PLEKHG4B: variants seen among roughly 807,000 people sequenced by gnomAD.
PLEKHG4B encodes pleckstrin homology and RhoGEF domain containing G4B.
In PLEKHG4B, 111 loss-of-function variants were observed where a neutral mutation model predicts 121.3. That is an observed-to-expected ratio of 0.92 (90% confidence interval 0.78 to 1.07). PLEKHG4B has a LOEUF of 1.07. Among genes scored for constraint, PLEKHG4B ranks in the 50% least tolerant of loss-of-function variants. PLEKHG4B has a pLI of 0.00. For missense variants in PLEKHG4B, 1,831 were observed against 1,757.8 expected, an observed-to-expected ratio of 1.04 and a Z score of -0.74; for synonymous variants, 738 against 725.0, an observed-to-expected ratio of 1.02 and a Z score of -0.29.
chr5:187,103 T>C lies in PLEKHG4B; in HGVS notation c.*4780T>C, dbSNP rs12514423. On this transcript the variant is annotated 3_prime_UTR_variant, in exon 20 of 20. Coordinates refer to ENST00000637938, the MANE Select transcript of PLEKHG4B (RefSeq NM_052909.5). ...CGGCCCCAGGGTGCCGGCCTTCAGA[T>C]TGACCCCATTCGTGGATGAGTCTAC... is the stretch of plus-strand genomic sequence containing the variant. The C allele has an allele frequency of 0.42, 64,537 of 152,230 alleles. 15,258 individuals are homozygous for C. The highest frequency in any genetic ancestry group is 0.54 in the Non-Finnish European group (37,032 of 68,108). 9.4% of individuals were successfully genotyped at this position (152,230 alleles called of 1,614,324 possible).
intron 6 of PLEKHG4B, 32 bp downstream of exon 6, chr5:144,952 G>A (rs765893879): frequency 6.3e-7 from 1 of 1,590,558 alleles, no homozygotes. Flanking sequence ...CCTTGGGTGT[G>A]CAGAGCATCG....
In PLEKHG4B at chr5:151,188, A is replaced by G. The variant is rs147081009; in HGVS notation, c.1906-325A>G. Reference sequence around the variant, plus strand: ...AGAGGGCTTGGCTACGAAGAGGCACAAGAGAATTTTGGGGTTGCTTAACAG... The same window carrying G: ...AGAGGGCTTGGCTACGAAGAGGCACGAGAGAATTTTGGGGTTGCTTAACAG... On this transcript the variant is annotated intron_variant, in intron 6 of 19. Coordinates refer to ENST00000637938, the MANE Select transcript of PLEKHG4B (RefSeq NM_052909.5). 5.4e-3 allele frequency among the ~76,000 whole-genome samples: 829 copies of G among 152,322 alleles called. 10 individuals are homozygous for G. The highest frequency in any genetic ancestry group is 0.019 in the African/African-American group (791 of 41,552).
chr5:164,331 A>G (rs957365384), intron 13 of PLEKHG4B, among the ~76,000 whole-genome samples: 1 of 152,248 alleles, frequency 6.6e-6, no homozygotes, highest in East Asian at 1.9e-4. Context: ...TCACATGTGC[A>G]GTAGTGTTCG....
intron 6 of PLEKHG4B, among the ~76,000 whole-genome samples, chr5:148,356 A>T (rs1553987381): frequency 0.036 from 5,426 of 149,398 alleles, 116 homozygotes; most frequent in Middle Eastern, 0.1. Context: ...AAAAAAAAAA[A>T]ATAAATAAAA....
intron 2 of PLEKHG4B, among the ~76,000 whole-genome samples, chr5:135,682 A>AATATATATAT (rs70955207): frequency 9.2e-4 from 18 of 19,568 alleles, no homozygotes; most frequent in Non-Finnish European, 1.3e-3. Context: ...AAAAAAAAAA[A>AATATATATAT]ATATATATAT....
chr5:146,334 C>T (rs1409062311), intron 6 of PLEKHG4B, among the ~76,000 whole-genome samples: 3 of 142,508 alleles, frequency 2.1e-5, no homozygotes, highest in African/African-American at 7.9e-5. Flanking sequence ...CCATCCTCTC[C>T]TCCTCCATGG....
At chr5:158,137 C>T (rs932973112) in intron 11 of PLEKHG4B, among the ~76,000 whole-genome samples, 1 of 152,114 alleles carries the variant, frequency 6.6e-6, no homozygotes, top group Non-Finnish European at 1.5e-5. Flanking sequence ...TGCCCTCTGT[C>T]CTGGGGGTCT....
intron 11 of PLEKHG4B, 38 bp from the exon 12 acceptor site, chr5:161,745 C>T: frequency 1.9e-6 from 3 of 1,612,840 alleles, no homozygotes; most frequent in Non-Finnish European, 2.5e-6. Context: ...AACGTGGAAG[C>T]ACCGGGCTTG....
intron 7 of PLEKHG4B, among the ~76,000 whole-genome samples, chr5:153,655 A>G (rs900868596): frequency 6.6e-6 from 1 of 152,290 alleles, no homozygotes; most frequent in Non-Finnish European, 1.5e-5. Context: ...GGCAAGAAAG[A>G]TGCCCATTTT....
At chr5:148,847 A>T (rs1458164703) in intron 6 of PLEKHG4B, among the ~76,000 whole-genome samples, 1 of 152,232 alleles carries the variant, frequency 6.6e-6, no homozygotes, top group Non-Finnish European at 1.5e-5. Flanking sequence ...AGTAATCAAA[A>T]AAGTTTGGCA....
chr5:121,618 G>A (rs139202609), intron 2 of PLEKHG4B, among the ~76,000 whole-genome samples: 120 of 152,234 alleles, frequency 7.9e-4, no homozygotes, highest in African/African-American at 2.7e-3. Context: ...AGAGGAAGGA[G>A]GCAAACTGCA....
At chr5:169,224 C>T in intron 13 of PLEKHG4B, 116 bp from the exon 14 acceptor site, 2 of 1,423,362 alleles carry the variant, frequency 1.4e-6, no homozygotes, top group Non-Finnish European at 1.9e-6. Context: ...CTCCAGTCCA[C>T]ATGTGACCCT....
intron 2 of PLEKHG4B, among the ~76,000 whole-genome samples, chr5:115,408 G>A (rs1734276462): frequency 6.6e-6 from 1 of 152,138 alleles, no homozygotes; most frequent in South Asian, 2.1e-4. Context: ...GCCCTGGGAG[G>A]TTCAGAATGG....
rs1276691743 is a variant in PLEKHG4B, at chr5:135,707, ATATATATATATATATATATATG to A, written c.244-3772_244-3751del. 8.9e-4 allele frequency among the ~76,000 whole-genome samples: 89 copies of A among 100,176 alleles called. 1 individual carries two copies. Among genetic ancestry groups the A allele is most frequent in the African/African-American group, 3.2e-3 (70 of 21,652 alleles). 65.7% of individuals were successfully genotyped at this position (100,176 alleles called of 152,430 possible). On this transcript the variant is annotated intron_variant, in intron 2 of 19. Transcript: ENST00000637938. ...AATATATATATATATATATATATAT[ATATATATATATATATATATATG>A]TATGTCAGTACTACCCAAAGTGATC... is the stretch of plus-strand genomic sequence containing the variant.
At position 170,018 on chromosome 5, in the gene PLEKHG4B, G is replaced by A. The variant is rs115952306; in HGVS notation, c.3729+426G>A. 2.5e-3 allele frequency among the ~76,000 whole-genome samples: 380 copies of A among 152,320 alleles called. 3 individuals are homozygous for A. Among genetic ancestry groups the A allele is most frequent in the African/African-American group, 8.5e-3 (353 of 41,560 alleles). ...CCTGCCAGAGGGACCAGCCTGTCCC[G>A]TTCTGAGAATTCCCTGTGAGGCTTT... On this transcript the variant is annotated intron_variant, in intron 14 of 19. Transcript: ENST00000637938.
At chr5:126,071 T>G (rs947383924) in intron 2 of PLEKHG4B, among the ~76,000 whole-genome samples, 2 of 152,236 alleles carry the variant, frequency 1.3e-5, no homozygotes, top group African/African-American at 4.8e-5. Flanking sequence ...TGTGTTTTGG[T>G]GTGGGTCTCT....
At chr5:130,089 G>A (rs2126380248) in intron 2 of PLEKHG4B, among the ~76,000 whole-genome samples, 1 of 152,122 alleles carries the variant, frequency 6.6e-6, no homozygotes, top group African/African-American at 2.4e-5. Flanking sequence ...GAGAGAGAAA[G>A]GAACATGCTT....
intron 19 of PLEKHG4B, 22 bp from the exon 20 acceptor site, chr5:181,982 C>A: frequency 6.2e-7 from 1 of 1,605,156 alleles, no homozygotes; most frequent in African/African-American, 1.3e-5. Context: ...GCCAGCCTGA[C>A]GTGCTTTCTG....
rs1311819906 is a variant in PLEKHG4B, at chr5:113,504, T to G, written c.243+56T>G. The stretch of plus-strand genomic sequence containing the variant: ...TGGCCAACCTGGAGGAACCTGCCCT[T>G]TCCCTGGGCAGGGCAGGAATTGGGC... On this transcript the variant is annotated intron_variant, in intron 2 of 19. Coordinates refer to ENST00000637938, the MANE Select transcript of PLEKHG4B (RefSeq NM_052909.5). This position sits in a 1 kb window ranked among gnomAD's most constrained non-coding sequence, Gnocchi z 5.2. 4 of 398,762 alleles carry G rather than the reference T, an allele frequency of 1.0e-5. No individual in the cohort carries two copies. The highest frequency in any genetic ancestry group is 8.8e-6 in the Non-Finnish European group (2 of 226,080). 24.7% of individuals were successfully genotyped at this position (398,762 alleles called of 1,614,324 possible).
Sources: allele counts gnomAD v4.1 joint callset (sites outside exome capture counted in the v4.1 genomes callset), GRCh38; gene constraint gnomAD v4.1.1; non-coding constraint Gnocchi (gnomAD v3.1); transcripts MANE v1.5; gene names NCBI Gene and HGNC (gene_info 2026-07-23, HGNC 2026-07-21).